CD163L1: variants seen among roughly 807,000 people sequenced by gnomAD.
CD163L1 encodes scavenger receptor cysteine-rich type 1 protein M160.
CD163L1 carries 124 observed loss-of-function variants against 165.4 expected under a neutral mutation model. The observed-to-expected ratio is 0.75, with a 90% CI of 0.65 to 0.87. The LOEUF (loss-of-function observed/expected upper bound fraction) is 0.87, where lower values mean the gene tolerates loss of function less well. Ranked by LOEUF, CD163L1 falls within the 40% of genes least tolerant of loss-of-function variation. The probability of loss-of-function intolerance (pLI) is 0.00; values close to 1 mark genes in which losing one functional copy is unlikely to be tolerated. For synonymous variants in CD163L1, 585 were observed against 662.2 expected (o/e 0.88, Z 1.79); for missense variants, 1,525 against 1,799.9 (o/e 0.85, Z 2.76).
Position 7,375,942 on chromosome 12 carries a change from G to A in CD163L1, c.2444C>T (p.Thr815Ile). 1 of 1,614,226 alleles carries A rather than the reference G, an allele frequency of 6.2e-7. No homozygotes were observed. Among genetic ancestry groups the A allele is most frequent in the Non-Finnish European group, 8.5e-7 (1 of 1,180,016 alleles). The change falls in exon 10 of 20, where the codon ACA becomes ATA. Residue 815 changes from threonine to isoleucine, a missense_variant. By Grantham distance (89) the Thr-to-Ile change is moderately conservative (BLOSUM62 -1). Coordinates refer to ENST00000313599, the MANE Select transcript of CD163L1 (RefSeq NM_174941.6). Reference sequence around the variant, plus strand: ...ATCAGAATCACAGACAGAGCGCCATGTGTCTGCATGTTTCACTTCAACACG... The same window carrying A: ...ATCAGAATCACAGACAGAGCGCCATATGTCTGCATGTTTCACTTCAACACG... ...SGRVEVKHAD[T>I]WRSVCDSDFS... is the part of the protein sequence containing the mutation.
the CD163L1 span, among the ~76,000 whole-genome samples, chr12:7,340,684 C>T: frequency 2.7e-4 from 41 of 152,218 alleles, no homozygotes; most frequent in African/African-American, 9.4e-4. Context: ...AAATGGGTGG[C>T]TTTGTCTGAA....
chr12:7,323,789 G>T, the CD163L1 span, among the ~76,000 whole-genome samples: 4 of 152,086 alleles, frequency 2.6e-5, no homozygotes, highest in Non-Finnish European at 5.9e-5. Flanking sequence ...CTGGAATGAG[G>T]GTGCAGTTGG....
intron 4 of CD163L1, among the ~76,000 whole-genome samples, chr12:7,409,703 C>T (rs891789260): frequency 1.3e-5 from 2 of 152,114 alleles, no homozygotes; most frequent in East Asian, 1.9e-4. Context: ...GGGTACATTT[C>T]GAGAAATAAG....
At chr12:7,394,702 AG>A (rs1164178536) in intron 8 of CD163L1, among the ~76,000 whole-genome samples, 1 of 152,208 alleles carries the variant, frequency 6.6e-6, no homozygotes, top group African/African-American at 2.4e-5. Context: ...CATCTGACAA[AG>A]GGCTAATATC....
chr12:7,385,201 G>C (rs187760335), intron 8 of CD163L1, among the ~76,000 whole-genome samples: 50 of 146,184 alleles, frequency 3.4e-4, no homozygotes, highest in Admixed American at 6.8e-4. Context: ...TAGAAAAGTA[G>C]AAATAGCTAT....
At chr12:7,362,611 T>A (rs1003348097) in intron 18 of CD163L1, among the ~76,000 whole-genome samples, 2 of 144,838 alleles carry the variant, frequency 1.4e-5, no homozygotes, top group East Asian at 3.9e-4. Flanking sequence ...TATAGCTTAT[T>A]ATAATATAGT....
intron 8 of CD163L1, among the ~76,000 whole-genome samples, chr12:7,386,157 AT>A (rs1253911518): frequency 1.3e-5 from 2 of 152,000 alleles, no homozygotes; most frequent in Non-Finnish European, 2.9e-5. Flanking sequence ...TAACACAGAA[AT>A]ACAAAAGATT....
At chr12:7,439,313 T>A (rs1483420169) in intron 2 of CD163L1, 1 of 1,570,744 alleles carries the variant, frequency 6.4e-7, no homozygotes, top group East Asian at 2.2e-5. Flanking sequence ...TTAACTTTAA[T>A]TCCTTTGTTT....
intron 4 of CD163L1, among the ~76,000 whole-genome samples, chr12:7,423,989 C>T (rs1179534697): frequency 3.9e-5 from 6 of 152,042 alleles, no homozygotes; most frequent in African/African-American, 9.7e-5. Context: ...ATGAGGCCAG[C>T]CTTATCCTGA....
At position 7,375,698 on chromosome 12, in the gene CD163L1, A is replaced by C. The variant is rs1223726431; in HGVS notation, c.2686+2T>G. On this transcript the variant is annotated splice_donor_variant, in intron 10 of 19. Coordinates refer to ENST00000313599, the MANE Select transcript of CD163L1 (RefSeq NM_174941.6). LOFTEE classifies it high-confidence loss of function. ...CCAATTAAGATTATTTAAAAATCTC[A>C]CGGGAACAGACAACTCCAACTTCTC... 3.1e-6 allele frequency: 5 copies of C among 1,613,660 alleles called. No homozygotes were observed. In the African/African-American group the frequency reaches 6.7e-5, roughly 22 times the overall value.
chr12:7,362,021 C>A (rs182556302), intron 18 of CD163L1, among the ~76,000 whole-genome samples: 1 of 150,932 alleles, frequency 6.6e-6, no homozygotes, highest in East Asian at 1.9e-4. Context: ...TATCTTTTTC[C>A]GGCTGACTTA....
chr12:7,433,726 T>C (rs774197277), intron 2 of CD163L1, 32 bp from the exon 3 acceptor site: 2 of 1,515,482 alleles, frequency 1.3e-6, no homozygotes, highest in East Asian at 2.3e-5. Flanking sequence ...ACATTAGAGA[T>C]GGCAAAGATT....
At chr12:7,329,115 T>G in the CD163L1 span, among the ~76,000 whole-genome samples, 1 of 148,350 alleles carries the variant, frequency 6.7e-6, no homozygotes, top group Non-Finnish European at 1.5e-5. Context: ...TATGTATCTA[T>G]ATATACACAT....
chr12:7,320,612 G>T, the CD163L1 span: 1 of 818,944 alleles, frequency 1.2e-6, no homozygotes, highest in South Asian at 1.6e-5. Context: ...TCCTAGTAGT[G>T]ACCACGGGAT....
chr12:7,432,848 A>T lies in CD163L1; in HGVS notation c.446-112T>A, dbSNP rs181377297. 24 of 772,764 alleles carry T rather than the reference A, an allele frequency of 3.1e-5. No individual in the cohort carries two copies. Among genetic ancestry groups the T allele is most frequent in the East Asian group, 2.7e-4 (9 of 33,242 alleles). The allele number at this position is 772,764 out of a possible 1,614,324, so 47.9% of individuals were successfully genotyped here. A position where few individuals can be genotyped will look rare whatever the true frequency, so the allele number is the denominator to read the frequency against. ...GTTATGAATGAAGTTACCAAAAATT[A>T]AAAAAAAATAACTGAAAATACTTAT... is the stretch of plus-strand genomic sequence containing the variant. On this transcript the variant is annotated intron_variant, in intron 3 of 19. Transcript: ENST00000313599. This position sits in a 1 kb window ranked among gnomAD's most constrained non-coding sequence, Gnocchi z 4.2.
At chr12:7,414,983 T>C (rs1237804595) in intron 4 of CD163L1, among the ~76,000 whole-genome samples, 1 of 152,094 alleles carries the variant, frequency 6.6e-6, no homozygotes, top group Non-Finnish European at 1.5e-5. Flanking sequence ...AAATAAAAGA[T>C]TGCTAATTAG....
At chr12:7,441,947 G>A (rs1948836187) in intron 1 of CD163L1, among the ~76,000 whole-genome samples, 1 of 152,154 alleles carries the variant, frequency 6.6e-6, no homozygotes, top group African/African-American at 2.4e-5. Flanking sequence ...TGCTACACGT[G>A]TGGGGAAAGA....
intron 2 of CD163L1, chr12:7,439,186 A>G (rs1264235417): frequency 1.9e-6 from 3 of 1,577,998 alleles, no homozygotes; most frequent in Non-Finnish European, 2.6e-6. Flanking sequence ...AGGGGGAATC[A>G]TTAAGTACAC....
At chr12:7,391,837 A>G (rs1359625622) in intron 8 of CD163L1, among the ~76,000 whole-genome samples, 1 of 152,224 alleles carries the variant, frequency 6.6e-6, no homozygotes, top group East Asian at 1.9e-4. Context: ...AGGCCATTAC[A>G]TAATGGTAAA....
Sources: allele counts gnomAD v4.1 joint callset (sites outside exome capture counted in the v4.1 genomes callset), GRCh38; gene constraint gnomAD v4.1.1; non-coding constraint Gnocchi (gnomAD v3.1); transcripts MANE v1.5; gene names NCBI Gene and HGNC (gene_info 2026-07-23, HGNC 2026-07-21).